Variants in AGAP1 observed in about 807,000 individuals in gnomAD.
AGAP1 encodes the protein arf-GAP with GTPase, ANK repeat and PH domain-containing protein 1.
In AGAP1, 29 loss-of-function variants were observed where a neutral mutation model predicts 105.3. The observed-to-expected ratio is 0.28, with a 90% CI of 0.21 to 0.38. The LOEUF (loss-of-function observed/expected upper bound fraction) is 0.38, where lower values mean the gene tolerates loss of function less well. Among genes scored for constraint, AGAP1 ranks in the 10% least tolerant of loss-of-function variants. AGAP1 has a pLI of 1.00. For synonymous variants in AGAP1, 509 were observed against 485.9 expected (o/e 1.05, Z -0.63); for missense variants, 998 against 1,165.1 (o/e 0.86, Z 2.09).
rs571302419 is a variant in AGAP1, at chr2:236,042,544, A to G, written c.1891+1703A>G. Among the ~76,000 whole-genome samples the G allele has an allele frequency of 1.5e-3, 225 of 152,354 alleles. 1 individual carries two copies. The highest frequency in any genetic ancestry group is 2.2e-3 in the Non-Finnish European group (148 of 68,032). The stretch of plus-strand genomic sequence containing the variant: ...GAGCTTTTTTAAAAGCACGAATCTG[A>G]GAAATATTAGAACATCCATTAAGGA... On this transcript the variant is annotated intron_variant, in intron 15 of 17. Transcript: ENST00000304032. The surrounding 1 kb of genome is among the most constrained non-coding windows in gnomAD (Gnocchi z 5.6).
At chr2:235,680,116 G>T (rs1472297522) in intron 1 of AGAP1, among the ~76,000 whole-genome samples, 1 of 152,212 alleles carries the variant, frequency 6.6e-6, no homozygotes. Context: ...AGCTCTATAT[G>T]CAGGAGATCA....
At chr2:235,683,854 C>T (rs1219885075) in intron 1 of AGAP1, among the ~76,000 whole-genome samples, 2 of 150,814 alleles carry the variant, frequency 1.3e-5, no homozygotes, top group East Asian at 1.9e-4. Context: ...CCAAGCCCCC[C>T]GTCCCCCGCC....
chr2:236,067,668 C>T (rs1487144977), intron 16 of AGAP1, among the ~76,000 whole-genome samples: 1 of 152,162 alleles, frequency 6.6e-6, no homozygotes, highest in Non-Finnish European at 1.5e-5. Context: ...GGGAGTAACA[C>T]GTATTGGAAG....
At chr2:235,926,459 T>G (rs2052450553) in intron 11 of AGAP1, among the ~76,000 whole-genome samples, 1 of 152,202 alleles carries the variant, frequency 6.6e-6, no homozygotes, top group African/African-American at 2.4e-5. Context: ...CTGGTTTGCC[T>G]CAGAGTTTAA....
chr2:235,962,330 G>C lies in AGAP1; in HGVS notation c.1484-6132G>C, dbSNP rs2054227412. ...ACGGTGCTGAGCAGGTGGAGGGCTG[G>C]AAGTCAGTGAAGTTGGGGCTTCCTA... On this transcript the variant is annotated intron_variant, in intron 12 of 17. Transcript: ENST00000304032. The surrounding 1 kb of genome is among the most constrained non-coding windows in gnomAD (Gnocchi z 5.3). Among the ~76,000 whole-genome samples the C allele has an allele frequency of 6.6e-6, 1 of 152,130 alleles. No individual in the cohort carries two copies. The highest frequency in any genetic ancestry group is 6.5e-5 in the Admixed American group (1 of 15,270).
At chr2:235,948,174 T>TTTTG (rs908226629) in intron 12 of AGAP1, among the ~76,000 whole-genome samples, 9 of 152,244 alleles carry the variant, frequency 5.9e-5, no homozygotes, top group South Asian at 2.1e-4. Context: ...CTGGGGTTTT[T>TTTTG]TTTGTTTGTT....
intron 13 of AGAP1, among the ~76,000 whole-genome samples, chr2:236,031,167 A>G (rs917355912): frequency 1.3e-5 from 2 of 152,200 alleles, no homozygotes; most frequent in African/African-American, 4.8e-5. Context: ...AGAACTGTAC[A>G]TGTCTGTAGG....
At chr2:235,974,268 TGGAGCTGCTTTTGAATCTG>T (rs1381442578) in intron 13 of AGAP1, among the ~76,000 whole-genome samples, 1 of 152,196 alleles carries the variant, frequency 6.6e-6, no homozygotes, top group African/African-American at 2.4e-5. Context: ...TTGAGGTATG[TGGAGCTGCTTTTGAATCTG>T]GGAGTGGGGC....
chr2:236,089,723 T>C lies in AGAP1; in HGVS notation c.2115-30469T>C, dbSNP rs1158245201. On this transcript the variant is annotated intron_variant, in intron 16 of 17. Transcript: ENST00000304032. The surrounding 1 kb of genome is among the most constrained non-coding windows in gnomAD (Gnocchi z 5.6). ...CTTTTCAGACATCCAAATGGGGGAT[T>C]GAACTGTGAGAGTGCAGGCAATAAA... Among the ~76,000 whole-genome samples, 1 of 152,200 alleles carries C rather than the reference T, an allele frequency of 6.6e-6. No individual in the cohort carries two copies. Among genetic ancestry groups the C allele is most frequent in the Non-Finnish European group, 1.5e-5 (1 of 68,032 alleles).
In AGAP1 at chr2:235,867,677, A is replaced by G. The variant is rs574961434; in HGVS notation, c.1051-15668A>G. On this transcript the variant is annotated intron_variant, in intron 9 of 17. Transcript: ENST00000304032. The surrounding 1 kb of genome is among the most constrained non-coding windows in gnomAD (Gnocchi z 5.4). ...TAGCTAAGTGTTATCTGCAGGGTAT[A>G]GCTTAGCATAATGAGAGGGCAAAAG... Among the ~76,000 whole-genome samples, 28 of 152,224 alleles carry G rather than the reference A, an allele frequency of 1.8e-4. No homozygotes were observed. The East Asian group carries it at 5.2e-3, about 28-fold the overall frequency.
intron 15 of AGAP1, 46 bp from the exon 16 acceptor site, chr2:236,049,013 G>A (rs1262119501): frequency 1.3e-6 from 2 of 1,530,172 alleles, no homozygotes; most frequent in East Asian, 2.3e-5. Flanking sequence ...TTGGAATGAT[G>A]CATGATGGTC....
At chr2:235,560,083 T>G (rs908596733) in intron 1 of AGAP1, among the ~76,000 whole-genome samples, 2 of 152,200 alleles carry the variant, frequency 1.3e-5, no homozygotes, top group East Asian at 3.9e-4. Context: ...GAGGATATAC[T>G]CCTTGTGTTT....
intron 6 of AGAP1, among the ~76,000 whole-genome samples, chr2:235,758,446 C>T (rs1418520881): frequency 6.6e-6 from 1 of 152,092 alleles, no homozygotes; most frequent in African/African-American, 2.4e-5. Context: ...TCAGGCGAGG[C>T]CATCATTTCC....
chr2:235,514,034 G>A (rs926426397), intron 1 of AGAP1, among the ~76,000 whole-genome samples: 4 of 152,206 alleles, frequency 2.6e-5, no homozygotes, highest in Admixed American at 1.3e-4. Flanking sequence ...GAGGTTGTGC[G>A]TTCCCCTGTA....
intron 5 of AGAP1, among the ~76,000 whole-genome samples, chr2:235,746,377 C>CTTTTTCTTTTTTTTTTTTTTTTT (rs1553620164): frequency 1.8e-5 from 1 of 55,546 alleles, no homozygotes; most frequent in Non-Finnish European, 3.0e-5. Flanking sequence ...CCTCCCCCAA[C>CTTTTTCTTTTTTTTTTTTTTTTT]TTTTTTTTTT....
chr2:235,718,368 C>G (rs924440134), intron 3 of AGAP1: 2 of 985,640 alleles, frequency 2.0e-6, no homozygotes, highest in Non-Finnish European at 2.4e-6. Context: ...ACTGGCTGTT[C>G]CATTCTTTGC....
At chr2:235,715,501 G>A (rs143037242) in intron 2 of AGAP1, among the ~76,000 whole-genome samples, 2 of 152,314 alleles carry the variant, frequency 1.3e-5, no homozygotes, top group East Asian at 1.9e-4. Context: ...GAGCAGTGAA[G>A]TGTTCTTGCG....
At position 236,131,243 on chromosome 2, in the gene AGAP1, G is replaced by A. The variant is rs536962393; in HGVS notation, c.*7121G>A. ...CAGCCTGGAGAGGGGAGGGTCGCACGGGTCCCGGGGGCAGGTCTCCTGCAC... is the reference window on the plus strand; with the variant it reads ...CAGCCTGGAGAGGGGAGGGTCGCACAGGTCCCGGGGGCAGGTCTCCTGCAC... On this transcript the variant is annotated 3_prime_UTR_variant, in exon 18 of 18. Coordinates refer to ENST00000304032, the MANE Select transcript of AGAP1 (RefSeq NM_001037131.3). This position sits in a 1 kb window ranked among gnomAD's most constrained non-coding sequence, Gnocchi z 5.9. The A allele has an allele frequency of 6.6e-5, 10 of 152,238 alleles. No homozygotes were observed. The highest frequency in any genetic ancestry group is 1.2e-4 in the Non-Finnish European group (8 of 68,092). 9.4% of individuals were successfully genotyped at this position (152,238 alleles called of 1,614,324 possible).
rs1270566796 is a variant in AGAP1, at chr2:235,959,219, T to C, written c.1484-9243T>C. On this transcript the variant is annotated intron_variant, in intron 12 of 17. Transcript: ENST00000304032. This position sits in a 1 kb window ranked among gnomAD's most constrained non-coding sequence, Gnocchi z 7.3. ...GTAATTGATACAAAATAAAATGCAT[T>C]CTTTGTATGCAGCCAGGAGGAGCGG... Among the ~76,000 whole-genome samples, 1 of 152,164 alleles carries C rather than the reference T, an allele frequency of 6.6e-6. No individual in the cohort carries two copies. Among genetic ancestry groups the C allele is most frequent in the Non-Finnish European group, 1.5e-5 (1 of 68,018 alleles).
Sources: gnomAD v4.1 joint callset for allele counts (sites outside exome capture counted in the v4.1 genomes callset) on GRCh38, gnomAD v4.1.1 for gene constraint, Gnocchi (gnomAD v3.1) non-coding constraint, MANE v1.5 for transcripts, NCBI Gene and HGNC (gene_info 2026-07-23, HGNC 2026-07-21) for gene names.